Variants in RNF115 observed in about 807,000 individuals in gnomAD.
RNF115 encodes ring finger protein 115, also known as E3 ubiquitin-protein ligase RNF115.
In RNF115, 31 loss-of-function variants were observed where a neutral mutation model predicts 39.2. That is an observed-to-expected ratio of 0.79 (90% confidence interval 0.59 to 1.07). The LOEUF is 1.07. Among genes scored for constraint, RNF115 ranks in the 50% least tolerant of loss-of-function variants. RNF115 has a pLI of 0.00. For synonymous variants in RNF115, 124 were observed against 131.0 expected (o/e 0.95, Z 0.37); for missense variants, 384 against 381.7 (o/e 1.01, Z -0.05).
At chr1:145,803,254 GT>G (rs34429316) in intron 1 of RNF115, among the ~76,000 whole-genome samples, 43,213 of 152,000 alleles carry the variant, frequency 0.28, 7,161 homozygotes, top group Non-Finnish European at 0.37. Context: ...ATAGGCCACA[GT>G]TTCAGTGTTA....
intron 2 of RNF115, chr1:145,786,970 A>G: frequency 2.3e-6 from 2 of 864,106 alleles, no homozygotes; most frequent in Non-Finnish European, 3.3e-6. Flanking sequence ...ATTTACACAT[A>G]TAATCACCAA....
chr1:145,747,130 C>G, intron 8 of RNF115, 133 bp from the exon 9 acceptor site: 11 of 876,868 alleles, frequency 1.3e-5, no homozygotes, highest in Non-Finnish European at 1.8e-5. Flanking sequence ...GAGAATGCAT[C>G]CTCATAGAGC....
chr1:145,753,112 A>AT, intron 4 of RNF115, 63 bp from the exon 5 acceptor site: 1 of 1,096,694 alleles, frequency 9.1e-7, no homozygotes, highest in South Asian at 1.3e-5. Context: ...ACAGATATCC[A>AT]TGGCTGCCTA....
Position 145,746,774 on chromosome 1 carries a change from C to T in RNF115, c.*92G>A. ...TTATGTGTTGAGTTTCTTACATATT[C>T]CTAAATCCATCTACTAATTTTTTGT... On this transcript the variant is annotated 3_prime_UTR_variant, in exon 9 of 9. Transcript: ENST00000582693. 1 of 1,291,232 alleles carries T rather than the reference C, an allele frequency of 7.7e-7. No individual in the cohort carries two copies. Among genetic ancestry groups the T allele is most frequent in the Non-Finnish European group, 1.1e-6 (1 of 926,096 alleles). The allele number at this position is 1,291,232 out of a possible 1,614,324, so 80.0% of individuals were successfully genotyped here. A position where few individuals can be genotyped will look rare whatever the true frequency, so the allele number is the denominator to read the frequency against.
At chr1:145,762,291 A>C (rs998871390) in intron 4 of RNF115, among the ~76,000 whole-genome samples, 2 of 152,204 alleles carry the variant, frequency 1.3e-5, no homozygotes, top group East Asian at 1.9e-4. Flanking sequence ...TGGAGGGGCC[A>C]GGGGCAGAAT....
At chr1:145,747,033 T>C (rs1559101123) in intron 8 of RNF115, 36 bp from the exon 9 acceptor site, 5 of 1,585,844 alleles carry the variant, frequency 3.2e-6, no homozygotes, top group Non-Finnish European at 4.3e-6. Context: ...GTGAAGATCC[T>C]GGCCTGAGAA....
rs111376607 is a variant in RNF115, at chr1:145,745,459, ATTT to A, written c.*1404_*1406del. 9 of 138,634 alleles carry A rather than the reference ATTT, an allele frequency of 6.5e-5. No homozygotes were observed. Among genetic ancestry groups the A allele is most frequent in the Non-Finnish European group, 1.2e-4 (8 of 64,716 alleles). The allele number at this position is 138,634 out of a possible 1,614,324, so 8.6% of individuals were successfully genotyped here. On this transcript the variant is annotated 3_prime_UTR_variant, in exon 9 of 9. Transcript: ENST00000582693. ...AAACAAAAAAAGCAGTGAGTTGGGGATTTTTTTTTTTTTTTTGAGATGGAGTTT... is the reference window on the plus strand; with the variant it reads ...AAACAAAAAAAGCAGTGAGTTGGGGATTTTTTTTTTTTTGAGATGGAGTTT...
At chr1:145,794,035 T>G (rs1571762753) in intron 1 of RNF115, among the ~76,000 whole-genome samples, 1 of 151,824 alleles carries the variant, frequency 6.6e-6, no homozygotes, top group Non-Finnish European at 1.5e-5. Flanking sequence ...GTAGAGACGG[T>G]GTTTCGCCAC....
rs1185588638 is a variant in RNF115, at chr1:145,743,542, G to A, written c.*3324C>T. On this transcript the variant is annotated 3_prime_UTR_variant, in exon 9 of 9. Transcript: ENST00000582693. The stretch of plus-strand genomic sequence containing the variant: ...CGTCTGTAATCCCAGCACTTTGGGA[G>A]GCCACGACTGGCAGATCACCTGAGG... 1 of 152,118 alleles carries A rather than the reference G, an allele frequency of 6.6e-6. No individual in the cohort carries two copies. Among genetic ancestry groups the A allele is most frequent in the Non-Finnish European group, 1.5e-5 (1 of 68,114 alleles). The allele number at this position is 152,118 out of a possible 1,614,324, so 9.4% of individuals were successfully genotyped here. A position where few individuals can be genotyped will look rare whatever the true frequency, so the allele number is the denominator to read the frequency against.
At position 145,812,186 on chromosome 1, in the gene RNF115, A is replaced by G. The variant is rs199836921; in HGVS notation, c.102+11586T>C. ...TCTAAGCATGGTGAAAGGTAAGCAA[A>G]ATGAAACTTCTGGAAGATGGTACTA... is the stretch of plus-strand genomic sequence containing the variant. On this transcript the variant is annotated intron_variant, in intron 1 of 8. Transcript: ENST00000582693. Among the ~76,000 whole-genome samples, 527 of 138,362 alleles carry G rather than the reference A, an allele frequency of 3.8e-3. 1 individual carries two copies. The highest frequency in any genetic ancestry group is 5.9e-3 in the Non-Finnish European group (350 of 59,390). The allele number at this position is 138,362 out of a possible 152,430, so 90.8% of individuals were successfully genotyped here. A position where few individuals can be genotyped will look rare whatever the true frequency, so the allele number is the denominator to read the frequency against.
chr1:145,767,078 C>T (rs1422592762), intron 4 of RNF115, among the ~76,000 whole-genome samples: 1 of 149,286 alleles, frequency 6.7e-6, no homozygotes, highest in African/African-American at 2.5e-5. Flanking sequence ...GGCTGACCCC[C>T]CCACCTCCTT....
chr1:145,754,297 A>G (rs1658213304), intron 4 of RNF115, among the ~76,000 whole-genome samples: 1 of 152,202 alleles, frequency 6.6e-6, no homozygotes, highest in Non-Finnish European at 1.5e-5. Flanking sequence ...ATTTGCAACA[A>G]TAACCCTTAA....
intron 4 of RNF115, among the ~76,000 whole-genome samples, chr1:145,765,895 C>A (rs1402732928): frequency 6.6e-6 from 1 of 152,132 alleles, no homozygotes; most frequent in African/African-American, 2.4e-5. Flanking sequence ...AAATGGACCT[C>A]ATTTCAGGGA....
chr1:145,816,717 G>A (rs1328755916), intron 1 of RNF115, among the ~76,000 whole-genome samples: 1 of 147,942 alleles, frequency 6.8e-6, no homozygotes, highest in Non-Finnish European at 1.5e-5. Context: ...ATAGATGATG[G>A]GTTCTTTCTT....
rs587648723 is a variant in RNF115, at chr1:145,777,451, G to C, written c.220-5532C>G. Among the ~76,000 whole-genome samples, 3 of 152,234 alleles carry C rather than the reference G, an allele frequency of 2.0e-5. No individual in the cohort carries two copies. In the South Asian group the frequency reaches 6.2e-4, roughly 32 times the overall value. On this transcript the variant is annotated intron_variant, in intron 3 of 8. Coordinates refer to ENST00000582693, the MANE Select transcript of RNF115 (RefSeq NM_014455.4). The stretch of plus-strand genomic sequence containing the variant: ...AAATTAGTGCAAATTAATAGTAACA[G>C]TCAATGTATTTGTGGCCTATTTTAA...
chr1:145,747,994 C>T lies in RNF115; in HGVS notation c.783+1G>A, dbSNP rs782162718. The T allele has an allele frequency of 1.2e-6, 2 of 1,603,826 alleles. No individual in the cohort carries two copies. The highest frequency in any genetic ancestry group is 1.7e-5 in the Admixed American group (1 of 60,008). ...AAGAAGCCATGACTTGCTGTACTCA[C>T]CAGTTCTAGCCACGGCACAATACAA... is the stretch of plus-strand genomic sequence containing the variant. On this transcript the variant is annotated splice_donor_variant, in intron 8 of 8. Coordinates refer to ENST00000582693, the MANE Select transcript of RNF115 (RefSeq NM_014455.4). LOFTEE classifies it high-confidence loss of function.
At chr1:145,775,021 A>G (rs1483345060) in intron 3 of RNF115, among the ~76,000 whole-genome samples, 1 of 152,104 alleles carries the variant, frequency 6.6e-6, no homozygotes, top group Non-Finnish European at 1.5e-5. Flanking sequence ...CCAAGGCAGG[A>G]GGATCGCTTG....
intron 1 of RNF115, among the ~76,000 whole-genome samples, chr1:145,819,778 C>G (rs1553724164): frequency 6.6e-6 from 1 of 152,238 alleles, no homozygotes; most frequent in Non-Finnish European, 1.5e-5. Flanking sequence ...TGGCTCACAC[C>G]TGTAATCTCA....
At chr1:145,753,267 G>A (rs1231552784) in intron 4 of RNF115, among the ~76,000 whole-genome samples, 1 of 152,098 alleles carries the variant, frequency 6.6e-6, no homozygotes, top group Non-Finnish European at 1.5e-5. Context: ...CAGATTAATA[G>A]ATTTTTGTGA....
Sources: gnomAD v4.1 joint callset for allele counts (sites outside exome capture counted in the v4.1 genomes callset) on GRCh38, gnomAD v4.1.1 for gene constraint, MANE v1.5 for transcripts, NCBI Gene and HGNC (gene_info 2026-07-23, HGNC 2026-07-21) for gene names.